The following OSBPL11 variants were observed in gnomAD, a reference collection of about 807,000 sequenced individuals.
OSBPL11 encodes the protein oxysterol-binding protein-related protein 11.
Under a neutral mutation model 84.4 loss-of-function variants are expected in OSBPL11, and 33 were observed. That is an observed-to-expected ratio of 0.39 (90% CI 0.30 to 0.52). OSBPL11 has a LOEUF of 0.52. OSBPL11 is among the 20% of genes least tolerant of loss of function. OSBPL11 has a pLI of 0.72. For synonymous variants in OSBPL11, 276 were observed against 310.2 expected (o/e 0.89, Z 1.16); for missense variants, 736 against 901.1 (o/e 0.82, Z 2.35).
Position 125,547,484 on chromosome 3 carries a change from C to T in OSBPL11, c.1763G>A (p.Ser588Asn). ...ATATCCAGTTTTTGCACAGTTGACACTGACTTTGCCACCCAGTTCTACCCA... is the reference window on the plus strand; with the variant it reads ...ATATCCAGTTTTTGCACAGTTGACATTGACTTTGCCACCCAGTTCTACCCA... ...VPWVELGGKV[S>N]VNCAKTGYSA... Residue 588 changes from serine to asparagine, a missense_variant, in exon 10 of 13, where the codon AGT (serine) becomes AAT (asparagine). Ser to Asn is a conservative substitution (Grantham distance 46, BLOSUM62 1). Coordinates refer to ENST00000296220, the MANE Select transcript of OSBPL11 (RefSeq NM_022776.5). 1 of 1,614,086 alleles carries T rather than the reference C, an allele frequency of 6.2e-7. No individual in the cohort carries two copies. The highest frequency in any genetic ancestry group is 8.5e-7 in the Non-Finnish European group (1 of 1,180,006).
intron 1 of OSBPL11, among the ~76,000 whole-genome samples, chr3:125,587,669 T>C (rs1480438375): frequency 3.3e-5 from 5 of 152,180 alleles, no homozygotes. Flanking sequence ...GAATATTCAG[T>C]GGGCAGGTGC....
intron 2 of OSBPL11, 108 bp from the exon 3 acceptor site, chr3:125,580,148 A>C: frequency 2.1e-6 from 2 of 930,424 alleles, no homozygotes; most frequent in Non-Finnish European, 3.2e-6. Context: ...TCTTAAAAAT[A>C]AAATTTAAAA....
intron 1 of OSBPL11, 26 bp from the exon 2 acceptor site, chr3:125,583,004 T>G (rs1212319565): frequency 6.7e-7 from 1 of 1,499,682 alleles, no homozygotes; most frequent in Admixed American, 2.2e-5. Flanking sequence ...AAAGCCAAAG[T>G]TAGTAAAAAT....
intron 2 of OSBPL11, among the ~76,000 whole-genome samples, chr3:125,581,740 A>T: frequency 6.8e-6 from 1 of 147,698 alleles, no homozygotes; most frequent in Admixed American, 6.7e-5. Context: ...AAAGGGCTGG[A>T]TGAGTTGAGA....
intron 4 of OSBPL11, among the ~76,000 whole-genome samples, chr3:125,578,093 T>C (rs888745723): frequency 4.6e-5 from 7 of 152,194 alleles, no homozygotes; most frequent in African/African-American, 1.7e-4. Flanking sequence ...ATGGCAGCAT[T>C]ATTCATAATG....
chr3:125,547,301 T>C (rs1580042501), intron 10 of OSBPL11, 105 bp downstream of exon 10: 13 of 945,768 alleles, frequency 1.4e-5, no homozygotes, highest in Non-Finnish European at 2.0e-5. Context: ...TAAACATTAA[T>C]ACAAATCCAA....
At chr3:125,590,776 A>G (rs1936583844) in intron 1 of OSBPL11, among the ~76,000 whole-genome samples, 1 of 152,222 alleles carries the variant, frequency 6.6e-6, no homozygotes, top group Admixed American at 6.5e-5. Flanking sequence ...GAACATGAGT[A>G]AACCATAAAA....
At chr3:125,571,524 G>GA (rs1447031026) in intron 5 of OSBPL11, among the ~76,000 whole-genome samples, 1 of 152,126 alleles carries the variant, frequency 6.6e-6, no homozygotes, top group Non-Finnish European at 1.5e-5. Flanking sequence ...AGGCCTAGCA[G>GA]AAAAAAGTGG....
At chr3:125,592,031 A>G (rs781243501) in intron 1 of OSBPL11, among the ~76,000 whole-genome samples, 1 of 149,684 alleles carries the variant, frequency 6.7e-6, no homozygotes, top group Non-Finnish European at 1.5e-5. Context: ...TAAAACTACC[A>G]AATTATTTTA....
intron 1 of OSBPL11, among the ~76,000 whole-genome samples, chr3:125,589,360 AC>A (rs750666639): frequency 1.3e-4 from 20 of 151,150 alleles, no homozygotes; most frequent in East Asian, 5.8e-4. Flanking sequence ...AAAAAAAAAA[AC>A]AAAACAGAAA....
intron 1 of OSBPL11, among the ~76,000 whole-genome samples, chr3:125,584,102 C>T (rs4679411): frequency 0.067 from 10,177 of 152,162 alleles, 463 homozygotes; most frequent in Non-Finnish European, 0.098. Context: ...TGGCAGCTCA[C>T]GCCTGTAATC....
chr3:125,585,111 A>G (rs1284964269), intron 1 of OSBPL11, among the ~76,000 whole-genome samples: 4 of 152,058 alleles, frequency 2.6e-5, no homozygotes, highest in Non-Finnish European at 5.9e-5. Flanking sequence ...CAATCGCTAA[A>G]AAGATCCCAC....
intron 2 of OSBPL11, among the ~76,000 whole-genome samples, chr3:125,581,744 G>A (rs1473102863): frequency 6.7e-6 from 1 of 148,984 alleles, no homozygotes; most frequent in African/African-American, 2.5e-5. Context: ...GGCTGGATGA[G>A]TTGAGATTGC....
Position 125,538,505 on chromosome 3 carries a change from G to T in OSBPL11, c.1970C>A (p.Ala657Glu), listed in dbSNP as rs1221113806. Reference protein sequence around the residue: ...ETKYVDLTKLAVTKKRVRPLE... With the variant: ...ETKYVDLTKLEVTKKRVRPLE... ...AGGTCTCACTCTTTTCTTCGTCACT[G>T]CCAATTTAGTCAAGTCCACATACTT... The change falls in exon 11 of 13, where the codon GCA (alanine) becomes GAA (glutamate). Residue 657 changes from alanine to glutamate, a missense_variant. Transcript: ENST00000296220. 1 of 1,614,064 alleles carries T rather than the reference G, an allele frequency of 6.2e-7. No individual in the cohort carries two copies. The highest frequency in any genetic ancestry group is 1.7e-5 in the Admixed American group (1 of 60,010).
intron 1 of OSBPL11, among the ~76,000 whole-genome samples, chr3:125,591,622 TAAGA>T (rs1936595738): frequency 6.6e-6 from 1 of 152,156 alleles, no homozygotes. Context: ...AGTTCAGTCT[TAAGA>T]AAGACTCAGA....
intron 5 of OSBPL11, among the ~76,000 whole-genome samples, chr3:125,569,828 A>G (rs71325854): frequency 0.067 from 10,199 of 152,340 alleles, 469 homozygotes; most frequent in Non-Finnish European, 0.098. Context: ...GAAGGAGTAC[A>G]TACTATATGA....
At chr3:125,592,484 T>G (rs928496786) in intron 1 of OSBPL11, among the ~76,000 whole-genome samples, 1 of 152,202 alleles carries the variant, frequency 6.6e-6, no homozygotes, top group African/African-American at 2.4e-5. Context: ...GCAGAAAGTA[T>G]AGCAAAGAAT....
chr3:125,536,049 C>T (rs767748289), intron 11 of OSBPL11, among the ~76,000 whole-genome samples: 9 of 150,540 alleles, frequency 6.0e-5, no homozygotes, highest in Non-Finnish European at 1.2e-4. Flanking sequence ...GCATGAGAAT[C>T]GCTTGAGCCC....
intron 1 of OSBPL11, among the ~76,000 whole-genome samples, chr3:125,587,836 C>A (rs1021935890): frequency 1.3e-4 from 20 of 152,054 alleles, no homozygotes; most frequent in African/African-American, 4.3e-4. Context: ...CTACTCAGGA[C>A]ACTGAGATGG....
Sources: gnomAD v4.1 joint callset for allele counts (sites outside exome capture counted in the v4.1 genomes callset) on GRCh38, gnomAD v4.1.1 for gene constraint, MANE v1.5 for transcripts, NCBI Gene and HGNC (gene_info 2026-07-23, HGNC 2026-07-21) for gene names.